ATXN7: variants seen among roughly 807,000 people sequenced by gnomAD.
ATXN7 encodes ataxin 7.
ATXN7 carries 12 observed loss-of-function variants against 70.5 expected under a neutral mutation model. That is an observed-to-expected ratio of 0.17 (90% CI 0.11 to 0.28). The LOEUF (loss-of-function observed/expected upper bound fraction) is 0.28. Among genes scored for constraint, ATXN7 ranks in the 10% least tolerant of loss-of-function variants. ATXN7 has a pLI of 1.00. For missense variants in ATXN7, 1,256 were observed against 1,131.7 expected, an observed-to-expected ratio of 1.11 and a Z score of -1.58; for synonymous variants, 498 against 448.7, an observed-to-expected ratio of 1.11 and a Z score of -1.39.
intron 4 of ATXN7, among the ~76,000 whole-genome samples, chr3:63,927,024 A>G (rs1575906627): frequency 6.6e-6 from 1 of 152,130 alleles, no homozygotes; most frequent in Admixed American, 6.6e-5. Flanking sequence ...ATAGTATTCC[A>G]TGGTGTGTAT....
chr3:63,971,744 T>C (rs2075315818), intron 5 of ATXN7, among the ~76,000 whole-genome samples: 1 of 152,160 alleles, frequency 6.6e-6, no homozygotes, highest in Non-Finnish European at 1.5e-5. Flanking sequence ...CTTAGGATAA[T>C]GCTAAATTAG....
chr3:63,865,056 G>C (rs2107184155), intron 1 of ATXN7: 1 of 152,280 alleles, frequency 6.6e-6, no homozygotes, highest in African/African-American at 2.4e-5. Context: ...CCCCCAAGTA[G>C]ATCTTGCATC....
chr3:63,941,317 T>G (rs555831549), intron 4 of ATXN7, among the ~76,000 whole-genome samples: 11 of 151,264 alleles, frequency 7.3e-5, no homozygotes, highest in African/African-American at 2.7e-4. Flanking sequence ...GGGTGGGGGG[T>G]TTGGGAGAGA....
At position 63,995,974 on chromosome 3, in the gene ATXN7, T is replaced by C. The variant is rs1478977212; in HGVS notation, c.2152T>C (p.Ser718Pro). ...CAGTTCCCCACTGTTGGTTCACTCT[T>C]CCTCCTCCTCTTCCTCCTCCTCCTC... The part of the protein sequence containing the change: ...KNSSPLLVHS[S>P]SSSSSSSSSS... The change falls in exon 12 of 13, where the codon TCC becomes CCC. Residue 718 changes from serine (S) to proline (P), a missense_variant. By Grantham distance (74) the Ser-to-Pro change is moderately conservative. Transcript: ENST00000674280. The C allele has an allele frequency of 6.2e-7, 1 of 1,613,520 alleles. No individual in the cohort carries two copies. The highest frequency in any genetic ancestry group is 8.5e-7 in the Non-Finnish European group (1 of 1,179,612).
At chr3:63,996,602 T>G in intron 12 of ATXN7, 119 bp downstream of exon 12, 1 of 751,186 alleles carries the variant, frequency 1.3e-6, no homozygotes, top group South Asian at 2.9e-5. Flanking sequence ...GATATTCAGC[T>G]TCATGGTGTC....
intron 2 of ATXN7, chr3:63,905,938 G>T (rs1703823848): frequency 6.6e-6 from 1 of 152,204 alleles, no homozygotes; most frequent in African/African-American, 2.4e-5. Context: ...TAAGAGTGTG[G>T]TTAGTAATTG....
intron 2 of ATXN7, chr3:63,904,285 A>ATTTTTTTTTTTTTTTTTTTTT (rs1203835216): frequency 7.0e-6 from 1 of 142,320 alleles, no homozygotes; most frequent in Non-Finnish European, 1.5e-5. Context: ...TGGCTGAATA[A>ATTTTTTTTTTTTTTTTTTTTT]TTTTTTTTTT....
chr3:63,997,587 A>T, intron 12 of ATXN7: 1 of 1,511,498 alleles, frequency 6.6e-7, no homozygotes, highest in Non-Finnish European at 9.0e-7. Flanking sequence ...TCTAACTTCC[A>T]GCTCATCTCT....
At chr3:63,911,736 T>A (rs1360464235) in intron 2 of ATXN7, 4 of 152,286 alleles carry the variant, frequency 2.6e-5, no homozygotes, top group Non-Finnish European at 5.9e-5. Context: ...GGCACACATG[T>A]GGGCGGCGTG....
intron 5 of ATXN7, among the ~76,000 whole-genome samples, chr3:63,956,408 G>T (rs73117078): frequency 1.7e-5 from 2 of 118,922 alleles, no homozygotes; most frequent in African/African-American, 3.4e-5. Context: ...GTGACGGAGC[G>T]AGACTGCATC....
At chr3:63,943,481 G>GT (rs2074805128) in intron 4 of ATXN7, among the ~76,000 whole-genome samples, 1 of 152,214 alleles carries the variant, frequency 6.6e-6, no homozygotes, top group African/African-American at 2.4e-5. Context: ...AAGGACGACA[G>GT]TGGAGAAGAT....
chr3:63,900,673 T>G (rs3821900), intron 2 of ATXN7: 7,754 of 152,506 alleles, frequency 0.051, 294 homozygotes, highest in South Asian at 0.13. Flanking sequence ...AGGAGCTCTT[T>G]AGTGCCTGTT....
At chr3:63,878,305 A>G (rs1702803989) in intron 1 of ATXN7, among the ~76,000 whole-genome samples, 2 of 152,188 alleles carry the variant, frequency 1.3e-5, no homozygotes, top group South Asian at 4.1e-4. Flanking sequence ...AGGCAGTGGC[A>G]TCTCTTTGTA....
intron 5 of ATXN7, among the ~76,000 whole-genome samples, chr3:63,968,614 G>T (rs1218663947): frequency 6.6e-6 from 1 of 152,108 alleles, no homozygotes; most frequent in Admixed American, 6.5e-5. Context: ...CAGTAACCCT[G>T]GGAAGTCATT....
At chr3:63,863,334 G>T, upstream of ATXN7, 2 of 614,212 alleles carry the variant, frequency 3.3e-6, no homozygotes, top group Non-Finnish European at 4.1e-6. Flanking sequence ...AACCTTCCAG[G>T]CCCCCAGCCC....
chr3:63,924,444 T>C (rs1704636466), intron 4 of ATXN7, among the ~76,000 whole-genome samples: 1 of 151,840 alleles, frequency 6.6e-6, no homozygotes, highest in Non-Finnish European at 1.5e-5. Flanking sequence ...TTTCCTAATA[T>C]AGGAGTGTCA....
intron 4 of ATXN7, among the ~76,000 whole-genome samples, chr3:63,919,481 T>C (rs1704420905): frequency 6.6e-6 from 1 of 152,190 alleles, no homozygotes; most frequent in African/African-American, 2.4e-5. Context: ...CCGTTAGTCT[T>C]AAACCAAGAG....
intron 4 of ATXN7, among the ~76,000 whole-genome samples, chr3:63,929,272 T>C (rs936962954): frequency 1.9e-4 from 29 of 148,940 alleles, no homozygotes; most frequent in African/African-American, 4.9e-4. Context: ...TCTCTCTCTT[T>C]TTTTTTTTTT....
chr3:63,904,866 C>T (rs1179801067), intron 2 of ATXN7: 1 of 152,160 alleles, frequency 6.6e-6, no homozygotes, highest in Non-Finnish European at 1.5e-5. Context: ...ATGAGGATTC[C>T]AGTTTTTTCA....
Sources: gnomAD v4.1 joint callset for allele counts (sites outside exome capture counted in the v4.1 genomes callset) on GRCh38, gnomAD v4.1.1 for gene constraint, MANE v1.5 for transcripts, NCBI Gene and HGNC (gene_info 2026-07-23, HGNC 2026-07-21) for gene names.